SLC16A2: variants seen among roughly 807,000 people sequenced by gnomAD.
SLC16A2 encodes monocarboxylate transporter 8.
A neutral mutation model predicts 27.2 loss-of-function variants in SLC16A2; 3 were observed. The observed-to-expected ratio is 0.11, with a 90% confidence interval of 0.05 to 0.28. The LOEUF is 0.28. Among genes scored for constraint, SLC16A2 ranks in the 10% least tolerant of loss-of-function variants. The pLI, the probability that SLC16A2 is intolerant of heterozygous loss-of-function variation, is 1.00. For missense variants in SLC16A2, 295 were observed against 458.5 expected, an observed-to-expected ratio of 0.64 and a Z score of 3.26; for synonymous variants, 202 against 187.8, an observed-to-expected ratio of 1.08 and a Z score of -0.62.
intron 1 of SLC16A2, among the ~76,000 whole-genome samples, chrX:74,499,179 A>T (rs1277577659): frequency 8.9e-6 from 1 of 111,912 alleles, no homozygotes; most frequent in East Asian, 2.8e-4. Context: ...TGGCAAAGTC[A>T]GTTTAAAGAG....
intron 1 of SLC16A2, among the ~76,000 whole-genome samples, chrX:74,467,684 A>G (rs1929277996): frequency 8.9e-6 from 1 of 112,114 alleles, no homozygotes; most frequent in African/African-American, 3.2e-5. Flanking sequence ...ACATAGTACA[A>G]AAAATTCTAC....
At chrX:74,448,753 G>A (rs1248881479) in intron 1 of SLC16A2, among the ~76,000 whole-genome samples, 2 of 111,861 alleles carry the variant, frequency 1.8e-5, no homozygotes, top group African/African-American at 6.5e-5. Flanking sequence ...GAGCTGGAAT[G>A]TCCAGTGGCA....
At chrX:74,486,481 G>T (rs183663972) in intron 1 of SLC16A2, among the ~76,000 whole-genome samples, 1 of 111,999 alleles carries the variant, frequency 8.9e-6, no homozygotes, top group Non-Finnish European at 1.9e-5. Context: ...AAAATTTCAT[G>T]TGCTCATCAT....
chrX:74,438,590 C>T (rs183423671), intron 1 of SLC16A2, among the ~76,000 whole-genome samples: 32 of 112,284 alleles, frequency 2.8e-4, no homozygotes, highest in Admixed American at 9.4e-4. Context: ...ACACGTACAC[C>T]CACACAAGCA....
chrX:74,487,609 T>A (rs1413891928), intron 1 of SLC16A2, among the ~76,000 whole-genome samples: 1 of 112,301 alleles, frequency 8.9e-6, no homozygotes, highest in African/African-American at 3.2e-5. Context: ...AAGGATTTTG[T>A]CCTTAAAGTG....
At chrX:74,508,333 T>C (rs1365053898) in intron 1 of SLC16A2, among the ~76,000 whole-genome samples, 1 of 111,969 alleles carries the variant, frequency 8.9e-6, no homozygotes, top group Non-Finnish European at 1.9e-5. Flanking sequence ...CCATGAACAA[T>C]ATATATCCCT....
At chrX:74,424,637 C>T (rs765954303) in intron 1 of SLC16A2, among the ~76,000 whole-genome samples, 4 of 111,868 alleles carry the variant, frequency 3.6e-5, no homozygotes, top group African/African-American at 9.7e-5. Context: ...TACACCCCCA[C>T]GCTCAAGGAA....
At position 74,529,275 on chromosome X, in the gene SLC16A2, G is replaced by A. The variant is rs1384815937; in HGVS notation, c.1233G>A (p.Gly411=). 1.7e-6 allele frequency: 2 copies of A among 1,211,730 alleles called. No individual in the cohort carries two copies. The highest frequency in any genetic ancestry group is 3.0e-5 in the East Asian group (1 of 33,836). ...TGATTCCCCTGTGCCGGGACTTCGGGGGCCTTATCGTCGTCTGTCTTTTCC... is the reference window on the plus strand; with the variant it reads ...TGATTCCCCTGTGCCGGGACTTCGGAGGCCTTATCGTCGTCTGTCTTTTCC... The part of the protein sequence containing the change: ...SMMIPLCRDF[G]GLIVVCLFLG... Residue 411 remains glycine, a synonymous_variant, in exon 5 of 6, where the codon GGG becomes GGA. Coordinates refer to ENST00000587091, the MANE Select transcript of SLC16A2 (RefSeq NM_006517.5).
At chrX:74,423,907 A>G (rs1928358901) in intron 1 of SLC16A2, among the ~76,000 whole-genome samples, 1 of 111,618 alleles carries the variant, frequency 9.0e-6, no homozygotes, top group African/African-American at 3.3e-5. Context: ...AGGCCCTGGC[A>G]TTTATATGGT....
At chrX:74,429,499 G>A (rs1366333127) in intron 1 of SLC16A2, among the ~76,000 whole-genome samples, 3 of 110,229 alleles carry the variant, frequency 2.7e-5, no homozygotes, top group Non-Finnish European at 3.8e-5. Flanking sequence ...CCTTCAGGGA[G>A]GGTGGAGGTG....
intron 1 of SLC16A2, among the ~76,000 whole-genome samples, chrX:74,504,348 G>A (rs1333753626): frequency 9.3e-6 from 1 of 107,059 alleles, no homozygotes; most frequent in African/African-American, 3.4e-5. Context: ...TTGAATTAGA[G>A]GAAGGGGTTA....
At chrX:74,473,431 G>T in intron 1 of SLC16A2, 1 of 540,113 alleles carries the variant, frequency 1.9e-6, no homozygotes, top group Non-Finnish European at 3.3e-6. Context: ...CACAGTTGTG[G>T]TCATTCACAC....
intron 1 of SLC16A2, among the ~76,000 whole-genome samples, chrX:74,500,161 T>C (rs1051804808): frequency 1.2e-4 from 13 of 111,064 alleles, no homozygotes; most frequent in Non-Finnish European, 2.5e-4. Flanking sequence ...GCACATTCTC[T>C]ATAAACTGGC....
chrX:74,522,108 C>G (rs1455868217), intron 2 of SLC16A2, among the ~76,000 whole-genome samples: 1 of 111,839 alleles, frequency 8.9e-6, no homozygotes, highest in African/African-American at 3.3e-5. Context: ...GAATGCCAGC[C>G]TGGAAACACA....
chrX:74,479,764 G>A (rs1929574609), intron 1 of SLC16A2, among the ~76,000 whole-genome samples: 1 of 112,130 alleles, frequency 8.9e-6, no homozygotes, highest in African/African-American at 3.2e-5. Flanking sequence ...GACCCTGTTT[G>A]CCTGGGTATC....
rs753706031 is a variant in SLC16A2 at position 74,503,754 on chromosome X, G to C, written c.431-17236G>C. Among the ~76,000 whole-genome samples the C allele has an allele frequency of 4.5e-5, 5 of 111,574 alleles. No homozygotes were observed. The South Asian group carries it at 1.9e-3, about 42-fold the overall frequency. Reference sequence around the variant, plus strand: ...CTCAATTTCTTTCTTTGCAAAATAGGGTACATATAGCATAATAGCTAAGAG... The same window carrying C: ...CTCAATTTCTTTCTTTGCAAAATAGCGTACATATAGCATAATAGCTAAGAG... On this transcript the variant is annotated intron_variant, in intron 1 of 5. Transcript: ENST00000587091.
intron 1 of SLC16A2, among the ~76,000 whole-genome samples, chrX:74,488,011 A>G (rs1929751966): frequency 8.9e-6 from 1 of 112,235 alleles, no homozygotes; most frequent in Non-Finnish European, 1.9e-5. Flanking sequence ...ATGTTTTAAC[A>G]TAACATTACT....
At chrX:74,453,334 A>G (rs1928978805) in intron 1 of SLC16A2, among the ~76,000 whole-genome samples, 1 of 110,763 alleles carries the variant, frequency 9.0e-6, no homozygotes, top group African/African-American at 3.3e-5. Context: ...CATGCCTGGC[A>G]GCAGGTTGCT....
intron 1 of SLC16A2, among the ~76,000 whole-genome samples, chrX:74,502,686 T>G (rs1171061145): frequency 8.9e-6 from 1 of 112,287 alleles, no homozygotes; most frequent in Non-Finnish European, 1.9e-5. Flanking sequence ...AAGTGTACAC[T>G]AGAGATCTTT....
Sources: allele counts gnomAD v4.1 joint callset (sites outside exome capture counted in the v4.1 genomes callset), GRCh38; gene constraint gnomAD v4.1.1; transcripts MANE v1.5; gene names NCBI Gene and HGNC (gene_info 2026-07-23, HGNC 2026-07-21).